Variants in KHDRBS2 observed in about 807,000 individuals in gnomAD.
KHDRBS2 encodes KH domain-containing, RNA-binding, signal transduction-associated protein 2.
A neutral mutation model predicts 44.3 loss-of-function variants in KHDRBS2; 26 were observed. The observed-to-expected ratio is 0.59, with a 90% CI of 0.43 to 0.81. The LOEUF (loss-of-function observed/expected upper bound fraction) is 0.81. Among genes scored for constraint, KHDRBS2 ranks in the 40% least tolerant of loss-of-function variants. The pLI, the probability that KHDRBS2 is intolerant of heterozygous loss-of-function variation, is 0.00. For missense variants in KHDRBS2, 476 were observed against 433.1 expected (o/e 1.10, Z -0.88); for synonymous variants, 194 against 151.1 (o/e 1.28, Z -2.08).
At chr6:61,889,681 C>A (rs971739867) in intron 6 of KHDRBS2, among the ~76,000 whole-genome samples, 1 of 152,142 alleles carries the variant, frequency 6.6e-6, no homozygotes, top group African/African-American at 2.4e-5. Context: ...GTTCTATTAT[C>A]CATGATGTAG....
the KHDRBS2 span, among the ~76,000 whole-genome samples, chr6:61,607,632 C>T: frequency 2.1e-5 from 3 of 146,190 alleles, no homozygotes; most frequent in African/African-American, 7.5e-5. Context: ...TTAACACTTA[C>T]TGAAATTAAC....
intron 1 of KHDRBS2, among the ~76,000 whole-genome samples, chr6:62,261,095 T>C (rs1456238876): frequency 6.6e-6 from 1 of 151,872 alleles, no homozygotes; most frequent in Non-Finnish European, 1.5e-5. Flanking sequence ...TGTGAAAAAC[T>C]GAAGGGATCC....
chr6:61,990,863 C>T (rs1776006314), intron 3 of KHDRBS2, among the ~76,000 whole-genome samples: 2 of 152,126 alleles, frequency 1.3e-5, no homozygotes, highest in South Asian at 4.1e-4. Flanking sequence ...GCACGCACCA[C>T]CATGCCCAGT....
At chr6:61,620,001 G>T in the KHDRBS2 span, among the ~76,000 whole-genome samples, 1 of 152,074 alleles carries the variant, frequency 6.6e-6, no homozygotes, top group Non-Finnish European at 1.5e-5. Context: ...TGTAAGGGTT[G>T]TTGTGAGGAT....
the KHDRBS2 span, among the ~76,000 whole-genome samples, chr6:61,637,502 G>A: frequency 5.0e-3 from 757 of 152,142 alleles, 4 homozygotes; most frequent in East Asian, 0.018. Flanking sequence ...ATATGTGTGC[G>A]TGTGTCTTTA....
chr6:61,983,621 T>TAAAA (rs1352270000), intron 3 of KHDRBS2, among the ~76,000 whole-genome samples: 2 of 152,074 alleles, frequency 1.3e-5, no homozygotes, highest in Non-Finnish European at 2.9e-5. Flanking sequence ...AGAAGGCTTT[T>TAAAA]AAAAGTCCAA....
intron 2 of KHDRBS2, among the ~76,000 whole-genome samples, chr6:62,143,235 A>C (rs1328654888): frequency 6.6e-6 from 1 of 151,956 alleles, no homozygotes; most frequent in Non-Finnish European, 1.5e-5. Flanking sequence ...ATTGTGACTA[A>C]GCTGATGGGT....
intron 2 of KHDRBS2, among the ~76,000 whole-genome samples, chr6:62,126,946 T>A (rs948507130): frequency 6.6e-6 from 1 of 152,192 alleles, no homozygotes; most frequent in Non-Finnish European, 1.5e-5. Context: ...GCTTGAGTTA[T>A]TTAGTTCTAT....
At chr6:61,787,671 T>C (rs1291102874) in intron 6 of KHDRBS2, among the ~76,000 whole-genome samples, 1 of 151,698 alleles carries the variant, frequency 6.6e-6, no homozygotes, top group African/African-American at 2.4e-5. Flanking sequence ...TCTTCACTAA[T>C]ATCAAGGTCT....
At chr6:62,062,617 G>A (rs371848185) in intron 2 of KHDRBS2, among the ~76,000 whole-genome samples, 62 of 148,940 alleles carry the variant, frequency 4.2e-4, no homozygotes, top group African/African-American at 1.2e-3. Flanking sequence ...TCTCTGGGAC[G>A]CATTCAAAGC....
chr6:62,251,164 G>A (rs899470254), intron 1 of KHDRBS2, among the ~76,000 whole-genome samples: 1 of 151,630 alleles, frequency 6.6e-6, no homozygotes, highest in Non-Finnish European at 1.5e-5. Flanking sequence ...TGAATATCTT[G>A]AATATTCTTG....
At chr6:61,955,735 G>C (rs201026365) in intron 4 of KHDRBS2, among the ~76,000 whole-genome samples, 8 of 93,026 alleles carry the variant, frequency 8.6e-5, no homozygotes, top group Admixed American at 3.5e-4. Context: ...TATATAGACA[G>C]AGAGAGAGGT....
At chr6:61,607,156 G>T in the KHDRBS2 span, among the ~76,000 whole-genome samples, 1 of 151,850 alleles carries the variant, frequency 6.6e-6, no homozygotes, top group East Asian at 1.9e-4. Flanking sequence ...ACAAAGTAGA[G>T]ATTTTGGACA....
At chr6:61,616,912 A>G in the KHDRBS2 span, among the ~76,000 whole-genome samples, 1 of 152,298 alleles carries the variant, frequency 6.6e-6, no homozygotes, top group South Asian at 2.1e-4. Context: ...GAACTTGCTA[A>G]AACTATCAGT....
chr6:61,895,472 C>T (rs1464318758), intron 5 of KHDRBS2, among the ~76,000 whole-genome samples: 1 of 152,180 alleles, frequency 6.6e-6, no homozygotes, highest in Non-Finnish European at 1.5e-5. Flanking sequence ...TGAACTGGTG[C>T]AGTCCCTGAC....
At chr6:62,103,260 C>T (rs1242356701) in intron 2 of KHDRBS2, among the ~76,000 whole-genome samples, 2 of 152,252 alleles carry the variant, frequency 1.3e-5, no homozygotes, top group South Asian at 2.1e-4. Context: ...AACCTGTCTG[C>T]CTCTTGCTGA....
Position 62,206,824 on chromosome 6 carries a change from G to T in KHDRBS2, c.92-29512C>A, listed in dbSNP as rs565928122. Among the ~76,000 whole-genome samples the T allele has an allele frequency of 3.3e-5, 5 of 152,168 alleles. No individual in the cohort carries two copies. In the East Asian group the frequency reaches 5.8e-4, roughly 18 times the overall value. On this transcript the variant is annotated intron_variant, in intron 1 of 8. Coordinates refer to ENST00000281156, the MANE Select transcript of KHDRBS2 (RefSeq NM_152688.4). Reference sequence around the variant, plus strand: ...ACAAGAACTGGGGACAGAAGCTAAAGAATATTTTGTTTTTCAGTGCTTGTG... The same window carrying T: ...ACAAGAACTGGGGACAGAAGCTAAATAATATTTTGTTTTTCAGTGCTTGTG...
chr6:61,679,313 T>C (rs1766114747), downstream of KHDRBS2, among the ~76,000 whole-genome samples: 1 of 151,958 alleles, frequency 6.6e-6, no homozygotes, highest in South Asian at 2.1e-4. Context: ...GTTTATTGCC[T>C]TGAGGGTTAT....
At chr6:61,995,678 T>C (rs1278229911) in intron 3 of KHDRBS2, among the ~76,000 whole-genome samples, 1 of 152,114 alleles carries the variant, frequency 6.6e-6, no homozygotes, top group East Asian at 1.9e-4. Context: ...TAGTTATAAC[T>C]GAGGGATTGG....
Sources: gnomAD v4.1 joint callset for allele counts (sites outside exome capture counted in the v4.1 genomes callset) on GRCh38, gnomAD v4.1.1 for gene constraint, MANE v1.5 for transcripts, NCBI Gene and HGNC (gene_info 2026-07-23, HGNC 2026-07-21) for gene names.